The following PKMYT1 variants were observed in gnomAD, a reference collection of about 807,000 sequenced individuals.
PKMYT1 encodes the protein protein kinase, membrane associated tyrosine/threonine 1.
PKMYT1 carries 35 observed loss-of-function variants against 49.7 expected under a neutral mutation model. The ratio of observed to expected loss-of-function variants is 0.70; its 90% CI spans 0.54 to 0.93. PKMYT1 has a LOEUF of 0.93. PKMYT1 is among the 40% of genes least tolerant of loss of function. The pLI, the probability that PKMYT1 is intolerant of heterozygous loss-of-function variation, is 0.00. For missense variants in PKMYT1, 677 were observed against 673.1 expected, an observed-to-expected ratio of 1.01 and a Z score of -0.06; for synonymous variants, 331 against 287.6, an observed-to-expected ratio of 1.15 and a Z score of -1.53.
intron 7 of PKMYT1, 113 bp from the exon 8 acceptor site, chr16:2,973,328 C>A: frequency 6.5e-7 from 1 of 1,533,276 alleles, no homozygotes; most frequent in Non-Finnish European, 8.8e-7. Context: ...AGGCAGGGAG[C>A]CACAGTCAGG....
chr16:2,973,025 A>C lies in PKMYT1; in HGVS notation c.1428T>G (p.Pro476=). The change falls in exon 9 of 9, where the codon CCT becomes CCG. Residue 476 remains proline, a synonymous_variant. Coordinates refer to ENST00000262300, the MANE Select transcript of PKMYT1 (RefSeq NM_004203.5). The stretch of plus-strand genomic sequence containing the variant: ...GCTCAAAGGAGGGGAAGGAGCCCCG[A>C]GGAGGCTCTGAGTTGATGTCACTTA... ...LDLSDINSEP[P]RGSFPSFEPR... 6.2e-7 allele frequency: 1 copy of C among 1,609,850 alleles called. No individual in the cohort carries two copies. The highest frequency in any genetic ancestry group is 8.5e-7 in the Non-Finnish European group (1 of 1,178,954).
rs576733798 is a variant in PKMYT1, at chr16:2,977,331, G to A, written c.11-300C>T. Reference sequence around the variant, plus strand: ...GAGCAAGGCAGTTTGGAGTCAGACGGGCTGCGCCTGCATCCCTGCCCTCAT... The same window carrying A: ...GAGCAAGGCAGTTTGGAGTCAGACGAGCTGCGCCTGCATCCCTGCCCTCAT... On this transcript the variant is annotated intron_variant, in intron 2 of 8. Coordinates refer to ENST00000262300, the MANE Select transcript of PKMYT1 (RefSeq NM_004203.5). The A allele has an allele frequency of 4.0e-4, 482 of 1,201,610 alleles. 1 individual carries two copies. Among genetic ancestry groups the A allele is most frequent in the Middle Eastern group, 1.7e-3 (5 of 2,936 alleles). 74.4% of individuals were successfully genotyped at this position (1,201,610 alleles called of 1,614,324 possible).
rs369223357 is a variant in PKMYT1 at position 2,975,309 on chromosome 16, C to T, written c.872+10G>A. The T allele has an allele frequency of 1.4e-5, 23 of 1,598,016 alleles. No homozygotes were observed. The highest frequency in any genetic ancestry group is 1.7e-5 in the Non-Finnish European group (20 of 1,170,020). The stretch of plus-strand genomic sequence containing the variant: ...AGCCTGCCAAACACCTGGCGTGCCC[C>T]GGTCCCCACCTGAACACATCCGCTG... On this transcript the variant is annotated intron_variant, in intron 4 of 8. Coordinates refer to ENST00000262300, the MANE Select transcript of PKMYT1 (RefSeq NM_004203.5).
Position 2,977,345 on chromosome 16 carries a change from C to A in PKMYT1, c.11-314G>T, listed in dbSNP as rs1183713086. The stretch of plus-strand genomic sequence containing the variant: ...GGAGTCAGACGGGCTGCGCCTGCAT[C>A]CCTGCCCTCATCACGGCCAGCTCTT... On this transcript the variant is annotated intron_variant, in intron 2 of 8. Transcript: ENST00000262300. The A allele has an allele frequency of 1.8e-5, 21 of 1,137,296 alleles. No homozygotes were observed. In the Admixed American group the frequency reaches 8.8e-4, roughly 48 times the overall value. The allele number at this position is 1,137,296 out of a possible 1,614,324, so 70.5% of individuals were successfully genotyped here. A position where few individuals can be genotyped will look rare whatever the true frequency, so the allele number is the denominator to read the frequency against.
At position 2,979,352 on chromosome 16, in the gene PKMYT1, G is replaced by A. The variant is rs55884133; in HGVS notation, c.10+296C>T. On this transcript the variant is annotated intron_variant, in intron 2 of 8. Transcript: ENST00000262300. The stretch of plus-strand genomic sequence containing the variant: ...CCATCTCAAAAAAATATACATAATA[G>A]TAAATAAAAAATTAAAAAGAGCAGT... 41 of 324,308 alleles carry A rather than the reference G, an allele frequency of 1.3e-4. No homozygotes were observed. The South Asian group carries it at 3.0e-3, about 24-fold the overall frequency. 20.1% of individuals were successfully genotyped at this position (324,308 alleles called of 1,614,324 possible).
chr16:2,979,703 G>A lies in PKMYT1; in HGVS notation c.-46C>T, dbSNP rs572130432. The A allele has an allele frequency of 9.9e-6, 16 of 1,613,284 alleles. No homozygotes were observed. In the East Asian group the frequency reaches 1.8e-4, roughly 18 times the overall value. On this transcript the variant is annotated 5_prime_UTR_variant, in exon 2 of 9. Transcript: ENST00000262300. ...CTCAGTGGTGGGACGGGGGAGGCAGGAGCAGGGGCTCCCACGTGAATCCAG... is the reference window on the plus strand; with the variant it reads ...CTCAGTGGTGGGACGGGGGAGGCAGAAGCAGGGGCTCCCACGTGAATCCAG...
chr16:2,974,967 G>A (rs909060473), intron 4 of PKMYT1, among the ~76,000 whole-genome samples: 79 of 152,234 alleles, frequency 5.2e-4, no homozygotes, highest in African/African-American at 1.8e-3. Context: ...CAGGGCAGTG[G>A]TTACCAGTGT....
At position 2,972,876 on chromosome 16, in the gene PKMYT1, C is replaced by T. The variant is rs1022579741; in HGVS notation, c.*77G>A. 49 of 1,538,420 alleles carry T rather than the reference C, an allele frequency of 3.2e-5. No homozygotes were observed. The highest frequency in any genetic ancestry group is 1.9e-4 in the Middle Eastern group (1 of 5,354). On this transcript the variant is annotated 3_prime_UTR_variant, in exon 9 of 9. Coordinates refer to ENST00000262300, the MANE Select transcript of PKMYT1 (RefSeq NM_004203.5). ...AGGCAGAGAAGACCATGGGAGTTCC[C>T]GAGGGGCCCCAGCTTTCAAGGGCGA...
Position 2,976,700 on chromosome 16 carries a change from G to C in PKMYT1, c.342C>G (p.Ser114Arg). Residue 114 changes from serine to arginine, a missense_variant, in exon 3 of 9, where the codon AGC (serine) becomes AGG (arginine). By Grantham distance (110) the Ser-to-Arg change is moderately radical (BLOSUM62 -1). Transcript: ENST00000262300. ...CTCCGTAGGAGCCATGGCCCAGGCG[G>C]CTGAGCCTCTGGAAGCTCTGCTGGA... is the stretch of plus-strand genomic sequence containing the variant. ...SFFQQSFQRL[S>R]RLGHGSYGEV... The C allele has an allele frequency of 6.7e-7, 1 of 1,489,018 alleles. No individual in the cohort carries two copies. The highest frequency in any genetic ancestry group is 9.0e-7 in the Non-Finnish European group (1 of 1,116,892). The allele number at this position is 1,489,018 out of a possible 1,614,324, so 92.2% of individuals were successfully genotyped here. A position where few individuals can be genotyped will look rare whatever the true frequency, so the allele number is the denominator to read the frequency against.
At position 2,973,122 on chromosome 16, in the gene PKMYT1, C is replaced by A; in HGVS notation, c.1388+16G>T. ...AAAAGCTAGCCCTGCCCACCCCAGC[C>A]CCTGGACCTGCTTACCTGGGTGTGC... On this transcript the variant is annotated intron_variant, in intron 8 of 8. Coordinates refer to ENST00000262300, the MANE Select transcript of PKMYT1 (RefSeq NM_004203.5). 11 of 1,558,614 alleles carry A rather than the reference C, an allele frequency of 7.1e-6. No individual in the cohort carries two copies. The highest frequency in any genetic ancestry group is 9.6e-6 in the Non-Finnish European group (11 of 1,147,680).
In PKMYT1 at chr16:2,973,067, G is replaced by A; in HGVS notation, c.1389-3C>T. 1.3e-6 allele frequency: 2 copies of A among 1,597,532 alleles called. No individual in the cohort carries two copies. Among genetic ancestry groups the A allele is most frequent in the South Asian group, 1.1e-5 (1 of 88,058 alleles). On this transcript the variant is annotated splice_polypyrimidine_tract_variant and splice_region_variant and intron_variant, in intron 8 of 8. Coordinates refer to ENST00000262300, the MANE Select transcript of PKMYT1 (RefSeq NM_004203.5). ...TGTCACTTAGGTCCAGGGCATCCCT[G>A]GGAGGAGAGAGTAGTGACACTCAGG...
In PKMYT1 at chr16:2,974,416, A is replaced by G; in HGVS notation, c.981T>C (p.Gly327=). ...QGYLPPEFTA[G]LSSELRSVLV... is the part of the protein sequence containing the mutation. The stretch of plus-strand genomic sequence containing the variant: ...GGACAGAACGCAGCTCGGAAGACAG[A>G]CCTGCCCATGAGGAAGGGCCACATC... The change falls in exon 6 of 9, where the codon GGT becomes GGC. Residue 327 remains glycine (G), a splice_region_variant and synonymous_variant. Coordinates refer to ENST00000262300, the MANE Select transcript of PKMYT1 (RefSeq NM_004203.5). 1 of 1,607,014 alleles carries G rather than the reference A, an allele frequency of 6.2e-7. No individual in the cohort carries two copies. Among genetic ancestry groups the G allele is most frequent in the South Asian group, 1.1e-5 (1 of 90,628 alleles).
At chr16:2,975,283 C>T (rs1192664133) in intron 4 of PKMYT1, 36 bp downstream of exon 4, 4 of 1,560,670 alleles carry the variant, frequency 2.6e-6, no homozygotes, top group Admixed American at 3.6e-5. Context: ...GGGCCTCCCA[C>T]AGCCTGCCAA....
Position 2,975,854 on chromosome 16 carries a change from C to A in PKMYT1, c.379-42G>T, listed in dbSNP as rs779172176. 3.7e-5 allele frequency: 57 copies of A among 1,548,342 alleles called. No individual in the cohort carries two copies. The East Asian group carries it at 1.2e-3, about 32-fold the overall frequency. ...ACCCACGCACACAGTGAGGGTGAGCCACAAGTGGCACAATCACATAGGGGG... is the reference window on the plus strand; with the variant it reads ...ACCCACGCACACAGTGAGGGTGAGCAACAAGTGGCACAATCACATAGGGGG... On this transcript the variant is annotated intron_variant, in intron 3 of 8. Transcript: ENST00000262300.
chr16:2,978,920 C>T (rs888125632), intron 2 of PKMYT1, among the ~76,000 whole-genome samples: 5 of 151,240 alleles, frequency 3.3e-5, no homozygotes, highest in Admixed American at 2.0e-4. Context: ...AATTCTCTTG[C>T]CTCAGCCTCC....
rs1168699109 is a variant in PKMYT1 at position 2,979,897 on chromosome 16, T to C, written c.-240A>G. ...CAGGGCCGCGGCTGACTTCACTCCG[T>C]GGGTGTGGGGAAGCCCTGGCGAACA... On this transcript the variant is annotated 5_prime_UTR_variant, in exon 2 of 9. Transcript: ENST00000262300. 3.5e-6 allele frequency: 2 copies of C among 579,554 alleles called. No individual in the cohort carries two copies. Among genetic ancestry groups the C allele is most frequent in the Non-Finnish European group, 6.2e-6 (2 of 320,770 alleles). The allele number at this position is 579,554 out of a possible 1,614,324, so 35.9% of individuals were successfully genotyped here.
At chr16:2,976,580 G>C in intron 3 of PKMYT1, 84 bp downstream of exon 3, 1 of 1,335,116 alleles carries the variant, frequency 7.5e-7, no homozygotes. Flanking sequence ...GGATCAGGCT[G>C]CCCAGGACAC....
intron 1 of PKMYT1, 142 bp downstream of exon 1, chr16:2,980,144 G>A (rs1007056969): frequency 4.9e-5 from 9 of 183,034 alleles, no homozygotes; most frequent in Non-Finnish European, 9.3e-5. Context: ...ACGGGAGGCA[G>A]GGGCTCGCGG....
chr16:2,975,871 CAT>C (rs1234443421), intron 3 of PKMYT1, 59 bp from the exon 4 acceptor site: 8 of 1,531,924 alleles, frequency 5.2e-6, no homozygotes, highest in Non-Finnish European at 7.0e-6. Flanking sequence ...GGCACAATCA[CAT>C]AGGGGGACAA....
Sources: gnomAD v4.1 joint callset for allele counts (sites outside exome capture counted in the v4.1 genomes callset) on GRCh38, gnomAD v4.1.1 for gene constraint, MANE v1.5 for transcripts, NCBI Gene and HGNC (gene_info 2026-07-23, HGNC 2026-07-21) for gene names.